DNAJC1: variants seen among roughly 807,000 people sequenced by gnomAD.
DNAJC1 encodes the protein DnaJ heat shock protein family (Hsp40) member C1, also known as dnaJ homolog subfamily C member 1.
DNAJC1 carries 58 observed loss-of-function variants against 76.6 expected under a neutral mutation model. The ratio of observed to expected loss-of-function variants is 0.76; its 90% CI spans 0.61 to 0.94. DNAJC1 has a LOEUF of 0.94. Among genes scored for constraint, DNAJC1 ranks in the 40% least tolerant of loss-of-function variants. DNAJC1 has a pLI of 0.00. For synonymous variants in DNAJC1, 258 were observed against 267.9 expected, an observed-to-expected ratio of 0.96 and a Z score of 0.36; for missense variants, 689 against 677.3, an observed-to-expected ratio of 1.02 and a Z score of -0.19.
chr10:21,929,958 A>T (rs1398936498), intron 1 of DNAJC1, among the ~76,000 whole-genome samples: 2 of 152,212 alleles, frequency 1.3e-5, no homozygotes, highest in African/African-American at 4.8e-5. Flanking sequence ...TAATAATAAC[A>T]AAGAATACAC....
chr10:21,917,697 A>T (rs1032587278), intron 6 of DNAJC1, among the ~76,000 whole-genome samples: 1 of 152,058 alleles, frequency 6.6e-6, no homozygotes. Context: ...CAAACCTTTT[A>T]AATTACCAAA....
chr10:22,000,734 T>G (rs1223823417), intron 1 of DNAJC1, among the ~76,000 whole-genome samples: 1 of 152,218 alleles, frequency 6.6e-6, no homozygotes, highest in Non-Finnish European at 1.5e-5. Context: ...TGGATGAGAT[T>G]AGTGTCCTTA....
intron 7 of DNAJC1, among the ~76,000 whole-genome samples, chr10:21,899,295 G>A (rs959563047): frequency 1.3e-5 from 2 of 152,194 alleles, no homozygotes; most frequent in African/African-American, 4.8e-5. Context: ...CAATTCATCT[G>A]TACATATCCC....
chr10:21,856,997 A>C (rs1315856291), intron 8 of DNAJC1, among the ~76,000 whole-genome samples: 14 of 152,148 alleles, frequency 9.2e-5, no homozygotes, highest in Admixed American at 9.2e-4. Flanking sequence ...TGGCCTCCCA[A>C]AGTGCTAGGA....
chr10:21,756,829 C>T (rs1032801075), intron 11 of DNAJC1, 74 bp from the exon 12 acceptor site: 1 of 1,396,206 alleles, frequency 7.2e-7, no homozygotes, highest in Non-Finnish European at 1.0e-6. Flanking sequence ...GGCCGGTCTG[C>T]TGGCTTCTGC....
chr10:21,944,609 A>T (rs981254751), intron 1 of DNAJC1, among the ~76,000 whole-genome samples: 2 of 152,188 alleles, frequency 1.3e-5, no homozygotes, highest in African/African-American at 4.8e-5. Context: ...GGATAATCAC[A>T]GGGGAGAGAG....
At chr10:21,852,473 T>C (rs1156566199) in intron 8 of DNAJC1, among the ~76,000 whole-genome samples, 1 of 152,186 alleles carries the variant, frequency 6.6e-6, no homozygotes, top group Non-Finnish European at 1.5e-5. Context: ...TTATGTTATA[T>C]GGATTTCACC....
chr10:21,903,411 C>G (rs991974292), intron 7 of DNAJC1, among the ~76,000 whole-genome samples: 2 of 151,922 alleles, frequency 1.3e-5, no homozygotes, highest in African/African-American at 4.9e-5. Flanking sequence ...ATCATTCTTA[C>G]TCCTTCTTAA....
intron 3 of DNAJC1, among the ~76,000 whole-genome samples, chr10:21,926,419 C>T (rs1354600417): frequency 6.6e-6 from 1 of 152,082 alleles, no homozygotes; most frequent in East Asian, 1.9e-4. Context: ...ATGACAATTT[C>T]CCAAATTACC....
At chr10:21,806,729 G>T (rs1834888913) in intron 8 of DNAJC1, among the ~76,000 whole-genome samples, 1 of 150,810 alleles carries the variant, frequency 6.6e-6, no homozygotes, top group Non-Finnish European at 1.5e-5. Context: ...CTTCGGAACA[G>T]AAATAAAATT....
At chr10:21,818,604 T>C (rs569529195) in intron 8 of DNAJC1, among the ~76,000 whole-genome samples, 3 of 152,300 alleles carry the variant, frequency 2.0e-5, no homozygotes, top group African/African-American at 7.2e-5. Flanking sequence ...ACTGCCGACA[T>C]GTGATGTCTC....
chr10:21,906,938 A>G (rs915846183), intron 6 of DNAJC1, among the ~76,000 whole-genome samples: 2 of 152,162 alleles, frequency 1.3e-5, no homozygotes, highest in Non-Finnish European at 2.9e-5. Context: ...ACAAAGGATG[A>G]GTTTTGTGCT....
At chr10:21,999,856 T>C (rs866895435) in intron 1 of DNAJC1, among the ~76,000 whole-genome samples, 3 of 152,168 alleles carry the variant, frequency 2.0e-5, no homozygotes, top group Non-Finnish European at 4.4e-5. Context: ...GTTTTGTGGC[T>C]TCAAGTTACT....
chr10:21,828,047 C>G (rs1835291052), intron 8 of DNAJC1, among the ~76,000 whole-genome samples: 1 of 152,202 alleles, frequency 6.6e-6, no homozygotes, highest in Non-Finnish European at 1.5e-5. Context: ...TAATTTACTT[C>G]CCCATCAGCG....
intron 6 of DNAJC1, among the ~76,000 whole-genome samples, chr10:21,907,330 T>C (rs1836763478): frequency 6.6e-6 from 1 of 152,040 alleles, no homozygotes; most frequent in Admixed American, 6.6e-5. Context: ...TTTCATATCT[T>C]ACCTATGCTT....
chr10:21,864,544 C>A (rs993212865), intron 8 of DNAJC1, among the ~76,000 whole-genome samples: 1 of 151,858 alleles, frequency 6.6e-6, no homozygotes, highest in Non-Finnish European at 1.5e-5. Context: ...ATTGCTTGAA[C>A]CCGGGGGGTG....
intron 1 of DNAJC1, among the ~76,000 whole-genome samples, chr10:21,976,947 T>C (rs560148532): frequency 1.2e-4 from 19 of 152,156 alleles, no homozygotes; most frequent in Admixed American, 8.5e-4. Context: ...AGCACAAACA[T>C]TGCAAAAGCA....
At chr10:21,823,325 A>G (rs1412767268) in intron 8 of DNAJC1, among the ~76,000 whole-genome samples, 1 of 152,180 alleles carries the variant, frequency 6.6e-6, no homozygotes, top group Non-Finnish European at 1.5e-5. Flanking sequence ...GGGATAAGGA[A>G]AGTGATGTCA....
chr10:21,909,681 G>A (rs780021913), intron 6 of DNAJC1, among the ~76,000 whole-genome samples: 2 of 152,206 alleles, frequency 1.3e-5, no homozygotes, highest in Non-Finnish European at 2.9e-5. Flanking sequence ...GACTAGTTCT[G>A]GATGGGCTGT....
Sources: gnomAD v4.1 joint callset for allele counts (sites outside exome capture counted in the v4.1 genomes callset) on GRCh38, gnomAD v4.1.1 for gene constraint, MANE v1.5 for transcripts, NCBI Gene and HGNC (gene_info 2026-07-23, HGNC 2026-07-21) for gene names.